PDE4B: variants seen among roughly 807,000 people sequenced by gnomAD.
PDE4B encodes phosphodiesterase 4B.
A neutral mutation model predicts 82.2 loss-of-function variants in PDE4B; 20 were observed. The observed-to-expected ratio is 0.24, with a 90% confidence interval of 0.17 to 0.35. PDE4B has a LOEUF of 0.35. PDE4B is among the 10% of genes least tolerant of loss of function. The pLI is 1.00. For missense variants in PDE4B, 655 were observed against 907.2 expected, an observed-to-expected ratio of 0.72 and a Z score of 3.57; for synonymous variants, 320 against 318.9, an observed-to-expected ratio of 1.00 and a Z score of -0.04.
intron 3 of PDE4B, among the ~76,000 whole-genome samples, chr1:66,226,897 GATA>G (rs1481948263): frequency 6.6e-6 from 1 of 152,284 alleles, no homozygotes; most frequent in East Asian, 1.9e-4. Context: ...CCTCATAACA[GATA>G]ATGATAGCTT....
chr1:65,827,266 A>G, intron 1 of PDE4B, among the ~76,000 whole-genome samples: 1 of 149,788 alleles, frequency 6.7e-6, no homozygotes, highest in Non-Finnish European at 1.5e-5. Flanking sequence ...AAGGAATACA[A>G]AAATGCAAAA....
At chr1:66,275,847 CTTGGTTTA>C (rs1266722622) in intron 7 of PDE4B, among the ~76,000 whole-genome samples, 1 of 152,196 alleles carries the variant, frequency 6.6e-6, no homozygotes, top group Non-Finnish European at 1.5e-5. Context: ...GGATCTTTTT[CTTGGTTTA>C]TTGTCTTGAC....
rs761362188 is a variant in PDE4B, at chr1:65,992,945, T to G, written c.281+74110T>G. 2.5e-6 allele frequency: 4 copies of G among 1,613,920 alleles called. No homozygotes were observed. The South Asian group carries it at 4.4e-5, about 18-fold the overall frequency. On this transcript the variant is annotated intron_variant, in intron 3 of 16. Coordinates refer to ENST00000341517, the MANE Select transcript of PDE4B (RefSeq NM_002600.4). ...ATTCTTCAAAGGAACTTACTGCTTCTGAACCTGAGGTTTGCATAAAGACTT... is the reference window on the plus strand; with the variant it reads ...ATTCTTCAAAGGAACTTACTGCTTCGGAACCTGAGGTTTGCATAAAGACTT...
Position 66,129,208 on chromosome 1 carries a change from G to C in PDE4B, c.282-118252G>C, listed in dbSNP as rs181073837. On this transcript the variant is annotated intron_variant, in intron 3 of 16. Transcript: ENST00000341517. Reference sequence around the variant, plus strand: ...AAGTGCTACAAAATGTTTGACAATAGAATAAAATAATAAAACATTTATACA... The same window carrying C: ...AAGTGCTACAAAATGTTTGACAATACAATAAAATAATAAAACATTTATACA... 4.6e-5 allele frequency among the ~76,000 whole-genome samples: 7 copies of C among 152,146 alleles called. No individual in the cohort carries two copies. The East Asian group carries it at 1.4e-3, about 29-fold the overall frequency.
chr1:66,127,531 A>G (rs1043366209), intron 3 of PDE4B, among the ~76,000 whole-genome samples: 1 of 152,188 alleles, frequency 6.6e-6, no homozygotes, highest in African/African-American at 2.4e-5. Flanking sequence ...TAAATAAAAT[A>G]TATGATTTAG....
chr1:65,796,550 TA>T (rs1645633575), intron 1 of PDE4B, among the ~76,000 whole-genome samples: 1 of 152,060 alleles, frequency 6.6e-6, no homozygotes. Flanking sequence ...TTCAACTCAA[TA>T]ATTTCCATTT....
intron 7 of PDE4B, among the ~76,000 whole-genome samples, chr1:66,293,352 G>A (rs1657251785): frequency 1.3e-5 from 2 of 151,376 alleles, no homozygotes; most frequent in African/African-American, 4.9e-5. Context: ...GCAAATATTT[G>A]CCGTGGTATT....
chr1:66,229,149 A>G (rs947164956), intron 3 of PDE4B, among the ~76,000 whole-genome samples: 2 of 149,030 alleles, frequency 1.3e-5, no homozygotes, highest in African/African-American at 5.0e-5. Context: ...CTAGGATTAC[A>G]GGCGCCCACC....
At chr1:65,821,245 A>T (rs1284646551) in intron 1 of PDE4B, among the ~76,000 whole-genome samples, 1 of 152,184 alleles carries the variant, frequency 6.6e-6, no homozygotes, top group East Asian at 1.9e-4. Flanking sequence ...AGTCTTTTTT[A>T]TTCTTGCTTA....
intron 3 of PDE4B, among the ~76,000 whole-genome samples, chr1:66,052,437 C>T (rs1362789264): frequency 2.0e-5 from 3 of 152,060 alleles, no homozygotes; most frequent in African/African-American, 4.8e-5. Flanking sequence ...ATCAAACCCA[C>T]TTGTACAGAT....
chr1:65,925,407 A>G (rs1180046542), intron 3 of PDE4B, among the ~76,000 whole-genome samples: 5 of 152,180 alleles, frequency 3.3e-5, no homozygotes, highest in Admixed American at 3.3e-4. Context: ...TATACCTATC[A>G]TAAGAGGGCA....
intron 1 of PDE4B, among the ~76,000 whole-genome samples, chr1:65,796,362 T>C (rs930383893): frequency 3.9e-5 from 6 of 152,170 alleles, no homozygotes. Context: ...ATATGAAAGT[T>C]GGATCTTTTG....
intron 1 of PDE4B, among the ~76,000 whole-genome samples, chr1:65,905,359 G>T (rs1647017377): frequency 6.6e-6 from 1 of 152,074 alleles, no homozygotes; most frequent in African/African-American, 2.4e-5. Flanking sequence ...GACAAGAAGG[G>T]CATGCTGGAT....
Position 66,223,509 on chromosome 1 carries a change from A to G in PDE4B, c.282-23951A>G, listed in dbSNP as rs560540463. 1.6e-4 allele frequency among the ~76,000 whole-genome samples: 25 copies of G among 152,330 alleles called. No individual in the cohort carries two copies. In the South Asian group the frequency reaches 5.2e-3, roughly 32 times the overall value. ...TCCATAAGGCTTGACACATTTCCTA[A>G]GATAAATGAATCTTCCCTAACCTTT... is the stretch of plus-strand genomic sequence containing the variant. On this transcript the variant is annotated intron_variant, in intron 3 of 16. Coordinates refer to ENST00000341517, the MANE Select transcript of PDE4B (RefSeq NM_002600.4).
At chr1:66,018,794 A>G (rs1284453258) in intron 3 of PDE4B, among the ~76,000 whole-genome samples, 1 of 152,202 alleles carries the variant, frequency 6.6e-6, no homozygotes, top group Non-Finnish European at 1.5e-5. Flanking sequence ...ATTATCCTCT[A>G]TGTGCAAAGA....
At chr1:65,879,741 G>A (rs1237243947) in intron 1 of PDE4B, among the ~76,000 whole-genome samples, 1 of 152,198 alleles carries the variant, frequency 6.6e-6, no homozygotes, top group African/African-American at 2.4e-5. Flanking sequence ...ATGGAAGAAA[G>A]TGGAAAGATA....
At chr1:66,043,244 T>C (rs1654491399) in intron 3 of PDE4B, among the ~76,000 whole-genome samples, 1 of 151,818 alleles carries the variant, frequency 6.6e-6, no homozygotes, top group Non-Finnish European at 1.5e-5. Context: ...TTTGACCAGT[T>C]ATAAATTTTT....
chr1:66,163,130 C>G (rs920929550), intron 3 of PDE4B, among the ~76,000 whole-genome samples: 10 of 152,138 alleles, frequency 6.6e-5, no homozygotes, highest in South Asian at 4.1e-4. Flanking sequence ...CTCTTACTAG[C>G]TACAGTAATC....
chr1:65,995,114 T>C (rs1163990481), intron 3 of PDE4B, among the ~76,000 whole-genome samples: 1 of 152,148 alleles, frequency 6.6e-6, no homozygotes, highest in Non-Finnish European at 1.5e-5. Flanking sequence ...ATAATATAGA[T>C]TAAAATAATT....
Sources: allele counts gnomAD v4.1 joint callset (sites outside exome capture counted in the v4.1 genomes callset), GRCh38; gene constraint gnomAD v4.1.1; transcripts MANE v1.5; gene names NCBI Gene and HGNC (gene_info 2026-07-23, HGNC 2026-07-21).